Variants in TIA1 observed in about 807,000 individuals in gnomAD.
The protein encoded by TIA1 is cytotoxic granule associated RNA binding protein TIA1.
TIA1 carries 23 observed loss-of-function variants against 65.9 expected under a neutral mutation model. The ratio of observed to expected loss-of-function variants is 0.35; its 90% CI spans 0.25 to 0.49. TIA1 has a LOEUF of 0.49. Among genes scored for constraint, TIA1 ranks in the 20% least tolerant of loss-of-function variants. The pLI is 0.98. For synonymous variants in TIA1, 147 were observed against 149.4 expected (o/e 0.98, Z 0.12); for missense variants, 371 against 477.9 (o/e 0.78, Z 2.09).
chr2:70,232,887 C>A (rs1373713970), intron 2 of TIA1, among the ~76,000 whole-genome samples: 2 of 151,844 alleles, frequency 1.3e-5, no homozygotes, highest in Non-Finnish European at 2.9e-5. Flanking sequence ...AACAAAACTT[C>A]CCTTTTCTGC....
intron 7 of TIA1, chr2:70,217,199 T>A: frequency 5.6e-6 from 2 of 354,246 alleles, no homozygotes; most frequent in Non-Finnish European, 9.4e-6. Flanking sequence ...TCAGATAGAG[T>A]CTCGCTCTGT....
intron 1 of TIA1, 27 bp from the exon 2 acceptor site, chr2:70,236,202 C>CTTTT: frequency 5.1e-6 from 6 of 1,179,464 alleles, no homozygotes; most frequent in African/African-American, 1.6e-5. Flanking sequence ...AACAATTTAC[C>CTTTT]TTTTTTTTTT....
At chr2:70,244,905 A>G (rs1020723011) in intron 1 of TIA1, among the ~76,000 whole-genome samples, 5 of 151,996 alleles carry the variant, frequency 3.3e-5, no homozygotes, top group Non-Finnish European at 7.4e-5. Context: ...TACAAATTAC[A>G]AGGCCAATAC....
At chr2:70,214,312 T>G in intron 12 of TIA1, 37 bp downstream of exon 12, 1 of 1,572,736 alleles carries the variant, frequency 6.4e-7, no homozygotes, top group Non-Finnish European at 8.6e-7. Flanking sequence ...TTAGACATTT[T>G]CAAAGGTTAG....
At chr2:70,231,234 G>A (rs149791288) in intron 2 of TIA1, among the ~76,000 whole-genome samples, 1,762 of 152,144 alleles carry the variant, frequency 0.012, 40 homozygotes, top group African/African-American at 0.04. Context: ...CCCGGGAGGT[G>A]GAGGTTGCAG....
At chr2:70,236,809 TG>T (rs2104588936) in intron 1 of TIA1, among the ~76,000 whole-genome samples, 1 of 152,218 alleles carries the variant, frequency 6.6e-6, no homozygotes, top group African/African-American at 2.4e-5. Context: ...TTACAGTTTC[TG>T]TAGAGAAGGC....
At chr2:70,247,283 C>T (rs1694786967) in intron 1 of TIA1, among the ~76,000 whole-genome samples, 1 of 152,044 alleles carries the variant, frequency 6.6e-6, no homozygotes, top group Admixed American at 6.6e-5. Flanking sequence ...ACCACATTTC[C>T]AATATAGACA....
chr2:70,241,697 T>G lies in TIA1; in HGVS notation c.27-5522A>C, dbSNP rs190629930. Reference sequence around the variant, plus strand: ...GCTCACACCTGTAAACCCAGTGCTTTGGGAGGCCGAGGTGAGAGATTCACT... The same window carrying G: ...GCTCACACCTGTAAACCCAGTGCTTGGGGAGGCCGAGGTGAGAGATTCACT... On this transcript the variant is annotated intron_variant, in intron 1 of 12. Coordinates refer to ENST00000433529, the MANE Select transcript of TIA1 (RefSeq NM_022173.4). Among the ~76,000 whole-genome samples the G allele has an allele frequency of 6.7e-3, 1,001 of 150,302 alleles. 10 individuals are homozygous for G. The highest frequency in any genetic ancestry group is 0.022 in the African/African-American group (908 of 40,864).
At chr2:70,230,898 C>A in intron 2 of TIA1, 44 bp from the exon 3 acceptor site, 1 of 1,457,300 alleles carries the variant, frequency 6.9e-7, no homozygotes, top group South Asian at 1.2e-5. Flanking sequence ...GCTTTATTCA[C>A]CCATTACCTT....
intron 7 of TIA1, 189 bp from the exon 8 acceptor site, chr2:70,217,183 A>AT: frequency 2.3e-6 from 1 of 435,624 alleles, no homozygotes; most frequent in African/African-American, 2.0e-5. Context: ...TATTTTATTT[A>AT]TTTTTTCAGA....
intron 5 of TIA1, 51 bp from the exon 6 acceptor site, chr2:70,227,873 TTAAAAAGTAC>T: frequency 7.9e-7 from 1 of 1,272,756 alleles, no homozygotes; most frequent in Non-Finnish European, 1.1e-6. Flanking sequence ...ACTTTAGAAT[TTAAAAAGTAC>T]TAAAATCTAT....
rs759107403 is a variant in TIA1, at chr2:70,227,827, T to TAAGGGGAAGG, written c.311-15_311-6dup. 6.3e-7 allele frequency: 1 copy of TAAGGGGAAGG among 1,591,504 alleles called. No homozygotes were observed. The highest frequency in any genetic ancestry group is 8.6e-7 in the Non-Finnish European group (1 of 1,165,314). ...CAACAAAGACATGGAAATGATCTTA[T>TAAGGGGAAGG]AAGGGGAAGGAAGGGGAAGTGAAAA... On this transcript the variant is annotated splice_polypyrimidine_tract_variant and splice_region_variant and intron_variant, in intron 5 of 12. Coordinates refer to ENST00000433529, the MANE Select transcript of TIA1 (RefSeq NM_022173.4).
intron 6 of TIA1, among the ~76,000 whole-genome samples, chr2:70,226,641 G>A (rs904244926): frequency 6.6e-6 from 1 of 152,126 alleles, no homozygotes; most frequent in African/African-American, 2.4e-5. Flanking sequence ...GAGATTTAGA[G>A]CCCTTGAGAG....
At chr2:70,233,246 C>T (rs1158644136) in intron 2 of TIA1, among the ~76,000 whole-genome samples, 1 of 152,134 alleles carries the variant, frequency 6.6e-6, no homozygotes, top group African/African-American at 2.4e-5. Flanking sequence ...GTTGGGATTA[C>T]AGGCATCAGT....
In TIA1 at chr2:70,227,805, C is replaced by A; in HGVS notation, c.328G>T (p.Val110Phe). 6.3e-7 allele frequency: 1 copy of A among 1,593,168 alleles called. No homozygotes were observed. Among genetic ancestry groups the A allele is most frequent in the Non-Finnish European group, 8.6e-7 (1 of 1,167,492 alleles). Residue 110 changes from valine (V) to phenylalanine (F), a missense_variant, in exon 6 of 13, where the codon GTT becomes TTT. Val to Phe is a conservative substitution (Grantham distance 50). Coordinates refer to ENST00000433529, the MANE Select transcript of TIA1 (RefSeq NM_022173.4). ...GTAATTTCTGGGCTGAGATCACCAA[C>A]AAAGACATGGAAATGATCTTATAAG... ...QRSQDHFHVF[V>F]GDLSPEITTE...
rs1232683063 is a variant in TIA1, at chr2:70,248,526, T to G, written c.-96A>C. The G allele has an allele frequency of 1.9e-6, 3 of 1,576,252 alleles. No individual in the cohort carries two copies. The South Asian group carries it at 3.4e-5, about 18-fold the overall frequency. ...CGGTTATGGCTACAGGATAGTGGGG[T>G]TTCTCGGCTGACCAGAGGTTACTCC... On this transcript the variant is annotated 5_prime_UTR_variant, in exon 1 of 13. Coordinates refer to ENST00000433529, the MANE Select transcript of TIA1 (RefSeq NM_022173.4).
chr2:70,232,608 C>A (rs550348402), intron 2 of TIA1, among the ~76,000 whole-genome samples: 86 of 149,034 alleles, frequency 5.8e-4, no homozygotes, highest in Non-Finnish European at 8.3e-4. Flanking sequence ...GTAGCTCATG[C>A]CTGTAATCTC....
At chr2:70,239,362 G>T (rs1251103752) in intron 1 of TIA1, among the ~76,000 whole-genome samples, 1 of 152,090 alleles carries the variant, frequency 6.6e-6, no homozygotes, top group African/African-American at 2.4e-5. Context: ...AAAGTGTTTG[G>T]ATTACAGGCG....
chr2:70,231,761 T>C (rs1043644365), intron 2 of TIA1, among the ~76,000 whole-genome samples: 1 of 152,174 alleles, frequency 6.6e-6, no homozygotes, highest in Non-Finnish European at 1.5e-5. Flanking sequence ...TAGCAGAAAA[T>C]CTTAGCCAAC....
Sources: allele counts gnomAD v4.1 joint callset (sites outside exome capture counted in the v4.1 genomes callset), GRCh38; gene constraint gnomAD v4.1.1; transcripts MANE v1.5; gene names NCBI Gene and HGNC (gene_info 2026-07-23, HGNC 2026-07-21).